CALCRL: variants seen among roughly 807,000 people sequenced by gnomAD.
CALCRL encodes calcitonin receptor like receptor, also known as calcitonin gene-related peptide type 1 receptor.
In CALCRL, 27 loss-of-function variants were observed where a neutral mutation model predicts 60.4. That is an observed-to-expected ratio of 0.45 (90% CI 0.33 to 0.62). CALCRL has a LOEUF of 0.62. Among genes scored for constraint, CALCRL ranks in the 20% least tolerant of loss-of-function variants. The pLI is 0.03. For missense variants in CALCRL, 424 were observed against 540.7 expected, an observed-to-expected ratio of 0.78 and a Z score of 2.14; for synonymous variants, 190 against 182.6, an observed-to-expected ratio of 1.04 and a Z score of -0.33.
intron 1 of CALCRL, among the ~76,000 whole-genome samples, chr2:187,403,403 A>T (rs150497260): frequency 2.0e-4 from 31 of 151,990 alleles, no homozygotes; most frequent in African/African-American, 7.5e-4. Context: ...GTTTTTCTGC[A>T]CAGTTCTGTA....
chr2:187,372,565 T>C (rs923524540), intron 8 of CALCRL, among the ~76,000 whole-genome samples: 8 of 152,108 alleles, frequency 5.3e-5, no homozygotes, highest in African/African-American at 1.7e-4. Flanking sequence ...AATGGATGAG[T>C]GGTAGACTTT....
At chr2:187,392,829 G>C (rs896846967) in intron 1 of CALCRL, among the ~76,000 whole-genome samples, 1 of 151,948 alleles carries the variant, frequency 6.6e-6, no homozygotes, top group African/African-American at 2.4e-5. Context: ...TTGGTTCCCC[G>C]AATTGTTGGG....
At chr2:187,439,502 CAAAA>C (rs1220365788) in intron 1 of CALCRL, among the ~76,000 whole-genome samples, 1 of 151,102 alleles carries the variant, frequency 6.6e-6, no homozygotes, top group East Asian at 1.9e-4. Flanking sequence ...AACAAACAAA[CAAAA>C]AACCAACAAA....
chr2:187,422,426 C>T (rs1689918340), intron 1 of CALCRL, among the ~76,000 whole-genome samples: 1 of 152,064 alleles, frequency 6.6e-6, no homozygotes, highest in African/African-American at 2.4e-5. Context: ...TGCTCAGTTT[C>T]TTAAATTAGA....
Position 187,443,320 on chromosome 2 carries a change from C to T in CALCRL, c.-293+4719G>A, listed in dbSNP as rs116840547. On this transcript the variant is annotated intron_variant, in intron 1 of 14. Coordinates refer to ENST00000392370, the MANE Select transcript of CALCRL (RefSeq NM_005795.6). ...TCATTCACAACAGACTTAAGGTGAA[C>T]ATGAAAATTTATTGAATATGTACTA... 9.6e-3 allele frequency among the ~76,000 whole-genome samples: 1,456 copies of T among 151,844 alleles called. 29 individuals carry two copies. Among genetic ancestry groups the T allele is most frequent in the African/African-American group, 0.033 (1,383 of 41,520 alleles).
chr2:187,417,459 A>T (rs1200215620), intron 1 of CALCRL, among the ~76,000 whole-genome samples: 1 of 152,092 alleles, frequency 6.6e-6, no homozygotes, highest in Non-Finnish European at 1.5e-5. Context: ...TCAAATATAG[A>T]TTTAAAATAT....
chr2:187,344,549 C>G lies in CALCRL; in HGVS notation c.*1635G>C, dbSNP rs1328862589. ...AAAATAACATTAGAGAAACTGAATC[C>G]CATGCAAATTTCACTTTAATTCATT... On this transcript the variant is annotated 3_prime_UTR_variant, in exon 15 of 15. Transcript: ENST00000392370. 6.6e-6 allele frequency: 1 copy of G among 151,472 alleles called. No homozygotes were observed. The highest frequency in any genetic ancestry group is 1.5e-5 in the Non-Finnish European group (1 of 67,626). The allele number at this position is 151,472 out of a possible 1,614,324, so 9.4% of individuals were successfully genotyped here.
At chr2:187,441,332 AC>A (rs568931934) in intron 1 of CALCRL, among the ~76,000 whole-genome samples, 1 of 152,038 alleles carries the variant, frequency 6.6e-6, no homozygotes, top group Non-Finnish European at 1.5e-5. Context: ...GATCTGATTT[AC>A]CAGGTTTTGT....
chr2:187,345,712 T>C lies in CALCRL; in HGVS notation c.*472A>G, dbSNP rs1686244285. The C allele has an allele frequency of 6.6e-6, 1 of 151,932 alleles. No individual in the cohort carries two copies. The highest frequency in any genetic ancestry group is 1.5e-5 in the Non-Finnish European group (1 of 68,108). 9.4% of individuals were successfully genotyped at this position (151,932 alleles called of 1,614,324 possible). A position where few individuals can be genotyped will look rare whatever the true frequency, so the allele number is the denominator to read the frequency against. The stretch of plus-strand genomic sequence containing the variant: ...GCAAAAAAAAAGTCAACTGCCCCAA[T>C]CAAGATGGGATAAAGAGTTTTAAAA... On this transcript the variant is annotated 3_prime_UTR_variant, in exon 15 of 15. Transcript: ENST00000392370.
intron 1 of CALCRL, among the ~76,000 whole-genome samples, chr2:187,423,982 T>C (rs571571113): frequency 2.0e-5 from 3 of 152,156 alleles, no homozygotes; most frequent in African/African-American, 7.2e-5. Flanking sequence ...ATATGCCCAA[T>C]GAGGTAGTTC....
chr2:187,444,658 T>C (rs2105915805), intron 1 of CALCRL, among the ~76,000 whole-genome samples: 1 of 151,646 alleles, frequency 6.6e-6, no homozygotes, highest in Admixed American at 6.6e-5. Flanking sequence ...TCTAGTAACC[T>C]AGGAAACATA....
intron 1 of CALCRL, among the ~76,000 whole-genome samples, chr2:187,424,555 G>A (rs1486505650): frequency 6.6e-6 from 1 of 151,884 alleles, no homozygotes; most frequent in Non-Finnish European, 1.5e-5. Flanking sequence ...ATATTAGCAG[G>A]ACCCTATAGC....
At chr2:187,347,779 A>G (rs1461159430) in intron 14 of CALCRL, among the ~76,000 whole-genome samples, 3 of 151,752 alleles carry the variant, frequency 2.0e-5, no homozygotes. Flanking sequence ...CTTAAAATAA[A>G]CTCAAAGTTT....
In CALCRL at chr2:187,410,415, G is replaced by C. The variant is rs530888806; in HGVS notation, c.-292-22659C>G. On this transcript the variant is annotated intron_variant, in intron 1 of 14. Coordinates refer to ENST00000392370, the MANE Select transcript of CALCRL (RefSeq NM_005795.6). The stretch of plus-strand genomic sequence containing the variant: ...CTGCCCTACTTCACAAGTTGAGAAA[G>C]AAAGAAAAAAAAAAGGACACTGATT... Among the ~76,000 whole-genome samples, 41 of 149,216 alleles carry C rather than the reference G, an allele frequency of 2.7e-4. 1 individual carries two copies. The highest frequency in any genetic ancestry group is 8.6e-4 in the African/African-American group (35 of 40,818).
At chr2:187,390,845 A>C (rs1358140224) in intron 1 of CALCRL, among the ~76,000 whole-genome samples, 1 of 152,166 alleles carries the variant, frequency 6.6e-6, no homozygotes, top group Non-Finnish European at 1.5e-5. Flanking sequence ...TTAGGTTAGC[A>C]GCCATTCAAA....
At chr2:187,371,134 C>A (rs1687500374) in intron 8 of CALCRL, among the ~76,000 whole-genome samples, 1 of 151,880 alleles carries the variant, frequency 6.6e-6, no homozygotes, top group Non-Finnish European at 1.5e-5. Context: ...GTCCCAGCTA[C>A]TCAGGAGGCT....
chr2:187,343,478 T>C lies in CALCRL; in HGVS notation c.*2706A>G, dbSNP rs1686164079. ...GTAAGTTCACATTTAAAAAAAATTATAAGCAATAAATACAGCACTACAGCC... is the reference window on the plus strand; with the variant it reads ...GTAAGTTCACATTTAAAAAAAATTACAAGCAATAAATACAGCACTACAGCC... On this transcript the variant is annotated 3_prime_UTR_variant, in exon 15 of 15. Coordinates refer to ENST00000392370, the MANE Select transcript of CALCRL (RefSeq NM_005795.6). 1 of 151,910 alleles carries C rather than the reference T, an allele frequency of 6.6e-6. No homozygotes were observed. The highest frequency in any genetic ancestry group is 6.6e-5 in the Admixed American group (1 of 15,164). 9.4% of individuals were successfully genotyped at this position (151,910 alleles called of 1,614,324 possible). A position where few individuals can be genotyped will look rare whatever the true frequency, so the allele number is the denominator to read the frequency against.
chr2:187,376,098 T>A (rs1211050833), intron 8 of CALCRL, among the ~76,000 whole-genome samples: 1 of 152,168 alleles, frequency 6.6e-6, no homozygotes. Flanking sequence ...ACTGTTTCAT[T>A]CATAGATTCT....
intron 1 of CALCRL, among the ~76,000 whole-genome samples, chr2:187,414,384 A>C (rs992819003): frequency 3.9e-5 from 6 of 152,136 alleles, no homozygotes; most frequent in Admixed American, 2.6e-4. Context: ...ATAACTTTAA[A>C]TTTAAAAAGT....
Sources: gnomAD v4.1 joint callset for allele counts (sites outside exome capture counted in the v4.1 genomes callset) on GRCh38, gnomAD v4.1.1 for gene constraint, MANE v1.5 for transcripts, NCBI Gene and HGNC (gene_info 2026-07-23, HGNC 2026-07-21) for gene names.